DNAAF3: variants seen among roughly 807,000 people sequenced by gnomAD.
DNAAF3 encodes dynein axonemal assembly factor 3.
A neutral mutation model predicts 50.9 loss-of-function variants in DNAAF3; 40 were observed. That is an observed-to-expected ratio of 0.79 (90% CI 0.61 to 1.02). DNAAF3 has a LOEUF of 1.02. Ranked by LOEUF, DNAAF3 falls within the 50% of genes least tolerant of loss-of-function variation. DNAAF3 has a pLI of 0.00. For synonymous variants in DNAAF3, 327 were observed against 322.8 expected (o/e 1.01, Z -0.14); for missense variants, 763 against 744.7 (o/e 1.02, Z -0.29).
intron 4 of DNAAF3, chr19:55,162,780 G>A (rs1481472067): frequency 3.5e-5 from 25 of 708,534 alleles, no homozygotes; most frequent in Non-Finnish European, 4.0e-5. Context: ...GCGGTGTATG[G>A]GACCATGTGT....
chr19:55,163,541 C>T, intron 4 of DNAAF3, among the ~76,000 whole-genome samples: 1 of 152,034 alleles, frequency 6.6e-6, no homozygotes. Context: ...GTCCTCCCAC[C>T]TCAGGCTCCC....
Position 55,161,459 on chromosome 19 carries a change from G to C in DNAAF3, c.664-41C>G. On this transcript the variant is annotated intron_variant, in intron 6 of 11. Transcript: ENST00000524407. The surrounding 1 kb of genome is among the most constrained non-coding windows in gnomAD (Gnocchi z 6.4). ...GGAAGAAGGGAGCCCTCAGTGAACC[G>C]AGCGTGGAGAGACCCCTACACCAGC... 6.4e-7 allele frequency: 1 copy of C among 1,565,896 alleles called. No individual in the cohort carries two copies.
chr19:55,161,751 G>A lies in DNAAF3; in HGVS notation c.555C>T (p.Pro185=). ...GGCGCGAGTCCCAGAGGCGGCTCATGGGGAACGCCTGGGGCCCTTTCTCGC... is the reference window on the plus strand; with the variant it reads ...GGCGCGAGTCCCAGAGGCGGCTCATAGGGAACGCCTGGGGCCCTTTCTCGC... ...AGGEKGPQAF[P]MSRLWDSRLR... is the part of the protein sequence containing the mutation. Residue 185 remains proline (P), a synonymous_variant, in exon 6 of 12, where the codon CCC becomes CCT. Transcript: ENST00000524407. The surrounding 1 kb of genome is among the most constrained non-coding windows in gnomAD (Gnocchi z 6.4). 6.5e-7 allele frequency: 1 copy of A among 1,534,332 alleles called. No homozygotes were observed. The highest frequency in any genetic ancestry group is 8.7e-7 in the Non-Finnish European group (1 of 1,143,202).
At position 55,160,696 on chromosome 19, in the gene DNAAF3, C is replaced by G. The variant is rs770845276; in HGVS notation, c.992G>C (p.Gly331Ala). 3.7e-6 allele frequency: 6 copies of G among 1,613,784 alleles called. No homozygotes were observed. In the South Asian group the frequency reaches 4.4e-5, roughly 12 times the overall value. Residue 331 changes from glycine to alanine, a missense_variant, in exon 9 of 12, where the codon GGG becomes GCG. By Grantham distance (60) the Gly-to-Ala change is moderately conservative. Transcript: ENST00000524407. This position sits in a 1 kb window ranked among gnomAD's most constrained non-coding sequence, Gnocchi z 4.7. Reference sequence around the variant, plus strand: ...GTGCTGCTGCTCCTCCAGGTCCCCCCCGGTGGCTCTCGCGCGCCCCCAGGC... The same window carrying G: ...GTGCTGCTGCTCCTCCAGGTCCCCCGCGGTGGCTCTCGCGCGCCCCCAGGC... ...VAAWGRARAT[G>A]GDLEEQQHAE...
chr19:55,162,192 C>T lies in DNAAF3; in HGVS notation c.421G>A (p.Val141Ile). 4 of 1,253,380 alleles carry T rather than the reference C, an allele frequency of 3.2e-6. No homozygotes were observed. Among genetic ancestry groups the T allele is most frequent in the Non-Finnish European group, 4.0e-6 (4 of 991,062 alleles). 77.6% of individuals were successfully genotyped at this position (1,253,380 alleles called of 1,614,324 possible). ...TCCTCCAGGCGGTCGGGCTCGGGGA[C>T]CAGGTGCGCCAGCAGGTCGGCCTGG... ...RAQADLLAHLVPEPDRLEEQL... is the reference protein window; with the variant it reads ...RAQADLLAHLIPEPDRLEEQL... Residue 141 changes from valine (V) to isoleucine (I), a missense_variant, in exon 5 of 12, where the codon GTC becomes ATC. Coordinates refer to ENST00000524407, the MANE Select transcript of DNAAF3 (RefSeq NM_001256715.2).
chr19:55,165,599 A>G, intron 3 of DNAAF3, 136 bp from the exon 4 acceptor site: 1 of 973,822 alleles, frequency 1.0e-6, no homozygotes, highest in Non-Finnish European at 1.5e-6. Context: ...CAAACACAGA[A>G]GTCTGTGTCC....
At position 55,161,171 on chromosome 19, in the gene DNAAF3, G is replaced by A. The variant is rs1472672359; in HGVS notation, c.806C>T (p.Ala269Val). ...GATGTCCCCCCAGTACCCGCGCGCTGCCACGCGCTCCCCACGCTGGAAAAG... is the reference window on the plus strand; with the variant it reads ...GATGTCCCCCCAGTACCCGCGCGCTACCACGCGCTCCCCACGCTGGAAAAG... The part of the protein sequence containing the change: ...RLLSYRGERV[A>V]ARGYWGDIAT... The change falls in exon 8 of 12, where the codon GCA (alanine) becomes GTA (valine). Residue 269 changes from alanine to valine, a missense_variant. Ala to Val is a moderately conservative substitution (Grantham distance 64). Coordinates refer to ENST00000524407, the MANE Select transcript of DNAAF3 (RefSeq NM_001256715.2). The surrounding 1 kb of genome is among the most constrained non-coding windows in gnomAD (Gnocchi z 6.4). 1 of 1,566,396 alleles carries A rather than the reference G, an allele frequency of 6.4e-7. No homozygotes were observed. Among genetic ancestry groups the A allele is most frequent in the East Asian group, 2.4e-5 (1 of 41,888 alleles).
chr19:55,159,553 G>C lies in DNAAF3; in HGVS notation c.1218C>G (p.Asn406Lys), dbSNP rs918171964. ...ELGACVAPGG[N>K]LIVELARYLV... Reference sequence around the variant, plus strand: ...CTCACCGGGCTAATTCCACAATCAAGTTCCCTCCGGGTGCCACACAGGCCC... The same window carrying C: ...CTCACCGGGCTAATTCCACAATCAACTTCCCTCCGGGTGCCACACAGGCCC... Residue 406 changes from asparagine (N) to lysine (K), a missense_variant, in exon 11 of 12, where the codon AAC (asparagine) becomes AAG (lysine). Physicochemically the swap from Asn to Lys is moderately conservative, Grantham distance 94 (BLOSUM62 0). Coordinates refer to ENST00000524407, the MANE Select transcript of DNAAF3 (RefSeq NM_001256715.2). 3.1e-6 allele frequency: 5 copies of C among 1,602,202 alleles called. No individual in the cohort carries two copies. The African/African-American group carries it at 4.0e-5, about 13-fold the overall frequency.
Position 55,165,369 on chromosome 19 carries a change from C to G in DNAAF3, c.322+1G>C. ...AGAATGCCTGGGTCCTAGCAACAGA[C>G]CTTGCAGCCCCATCTTCTCCGGTTC... On this transcript the variant is annotated splice_donor_variant, in intron 4 of 11. Transcript: ENST00000524407. LOFTEE classifies it high-confidence loss of function. The G allele has an allele frequency of 6.2e-7, 1 of 1,614,112 alleles. No homozygotes were observed. Among genetic ancestry groups the G allele is most frequent in the Non-Finnish European group, 8.5e-7 (1 of 1,179,980 alleles).
At chr19:55,162,997 C>CTTTTTTTTTTTTTT (rs576178532) in intron 4 of DNAAF3, among the ~76,000 whole-genome samples, 12 of 92,164 alleles carry the variant, frequency 1.3e-4, no homozygotes, top group South Asian at 7.9e-4. Flanking sequence ...TTTTCTTTTT[C>CTTTTTTTTTTTTTT]TTTTTTTTTT....
Position 55,160,734 on chromosome 19 carries a change from G to T in DNAAF3, c.954C>A (p.Leu318=). The stretch of plus-strand genomic sequence containing the variant: ...CGCGCCCCCAGGCGGCCACGTCGCG[G>T]AGCAGCTCCGTCACGTTGTGTTGAG... ...EITQHNVTEL[L]RDVAAWGRAR... is the part of the protein sequence containing the mutation. Residue 318 remains leucine (L), a synonymous_variant, in exon 9 of 12, where the codon CTC becomes CTA. Coordinates refer to ENST00000524407, the MANE Select transcript of DNAAF3 (RefSeq NM_001256715.2). The surrounding 1 kb of genome is among the most constrained non-coding windows in gnomAD (Gnocchi z 4.7). The T allele has an allele frequency of 4.3e-6, 7 of 1,612,698 alleles. No homozygotes were observed. Among genetic ancestry groups the T allele is most frequent in the Non-Finnish European group, 5.9e-6 (7 of 1,179,854 alleles).
intron 4 of DNAAF3, among the ~76,000 whole-genome samples, chr19:55,164,279 G>A (rs2085898007): frequency 6.6e-6 from 1 of 152,062 alleles, no homozygotes; most frequent in Non-Finnish European, 1.5e-5. Context: ...TCAGCATCTC[G>A]AGACCATCCT....
In DNAAF3 at chr19:55,161,231, G is replaced by A. The variant is rs1312519976; in HGVS notation, c.790-44C>T. The A allele has an allele frequency of 6.3e-7, 1 of 1,593,160 alleles. No individual in the cohort carries two copies. Among genetic ancestry groups the A allele is most frequent in the African/African-American group, 1.3e-5 (1 of 74,466 alleles). On this transcript the variant is annotated intron_variant, in intron 7 of 11. Coordinates refer to ENST00000524407, the MANE Select transcript of DNAAF3 (RefSeq NM_001256715.2). This position sits in a 1 kb window ranked among gnomAD's most constrained non-coding sequence, Gnocchi z 6.4. ...AGGAGGCAGGTGAGGTCGATGTTGGGGCCCCTGACTCCTAGGACTCCGAGC... is the reference window on the plus strand; with the variant it reads ...AGGAGGCAGGTGAGGTCGATGTTGGAGCCCCTGACTCCTAGGACTCCGAGC...
chr19:55,165,154 C>T (rs2085916591), intron 4 of DNAAF3, among the ~76,000 whole-genome samples: 1 of 151,368 alleles, frequency 6.6e-6, no homozygotes, highest in South Asian at 2.1e-4. Context: ...CTCGGCCTCC[C>T]AAAGTGCTGG....
Position 55,159,095 on chromosome 19 carries a change from G to C in DNAAF3, c.1593C>G (p.Pro531=). 2 of 1,608,558 alleles carry C rather than the reference G, an allele frequency of 1.2e-6. No individual in the cohort carries two copies. Among genetic ancestry groups the C allele is most frequent in the Non-Finnish European group, 1.7e-6 (2 of 1,176,880 alleles). The change falls in exon 12 of 12, where the codon CCC becomes CCG. Residue 531 remains proline (P), a synonymous_variant. Coordinates refer to ENST00000524407, the MANE Select transcript of DNAAF3 (RefSeq NM_001256715.2). ...LAQPQGALAP[P]NCESDSKTGV is the part of the protein sequence containing the mutation. ...CAGTTTTGGAGTCTGACTCACAGTT[G>C]GGCGGAGCCAAGGCCCCCTGAGGCT...
Position 55,159,520 on chromosome 19 carries a change from C to T in DNAAF3, c.1238+13G>A. The T allele has an allele frequency of 6.3e-7, 1 of 1,596,856 alleles. No homozygotes were observed. The highest frequency in any genetic ancestry group is 8.5e-7 in the Non-Finnish European group (1 of 1,170,338). ...AGCCAGGATGTTCCCCACCCTCCACCCCACTGACTCACCGGGCTAATTCCA... is the reference window on the plus strand; with the variant it reads ...AGCCAGGATGTTCCCCACCCTCCACTCCACTGACTCACCGGGCTAATTCCA... On this transcript the variant is annotated intron_variant, in intron 11 of 11. Transcript: ENST00000524407.
chr19:55,159,839 G>A lies in DNAAF3; in HGVS notation c.1163+60C>T, dbSNP rs1039553613. 13 of 1,579,146 alleles carry A rather than the reference G, an allele frequency of 8.2e-6. No homozygotes were observed. In the African/African-American group the frequency reaches 9.7e-5, roughly 12 times the overall value. On this transcript the variant is annotated intron_variant, in intron 10 of 11. Coordinates refer to ENST00000524407, the MANE Select transcript of DNAAF3 (RefSeq NM_001256715.2). ...GGGGGCCTGGACTCCTGGGTCTGAG[G>A]GAGGAGGGGCTGGGGGCCTGATCCT...
intron 4 of DNAAF3, among the ~76,000 whole-genome samples, chr19:55,163,293 C>A: frequency 6.8e-6 from 1 of 147,420 alleles, no homozygotes; most frequent in East Asian, 2.0e-4. Context: ...CAGGCGTGAG[C>A]CATCGCGCCC....
intron 4 of DNAAF3, chr19:55,162,747 T>A: frequency 2.2e-6 from 2 of 889,830 alleles, no homozygotes; most frequent in Non-Finnish European, 2.7e-6. Context: ...TATTACATAT[T>A]ATAGGTAATC....
Sources: allele counts gnomAD v4.1 joint callset (sites outside exome capture counted in the v4.1 genomes callset), GRCh38; gene constraint gnomAD v4.1.1; non-coding constraint Gnocchi (gnomAD v3.1); transcripts MANE v1.5; gene names NCBI Gene and HGNC (gene_info 2026-07-23, HGNC 2026-07-21).